Variants in TMEM232 observed in about 807,000 individuals in gnomAD.
The protein encoded by TMEM232 is transmembrane protein 232.
Under a neutral mutation model 78.8 loss-of-function variants are expected in TMEM232, and 80 were observed. The observed-to-expected ratio is 1.01, with a 90% CI of 0.85 to 1.22. TMEM232 has a LOEUF of 1.22. TMEM232 is among the 50% of genes most tolerant of loss of function. The pLI, the probability that TMEM232 is intolerant of heterozygous loss-of-function variation, is 0.00. For synonymous variants in TMEM232, 297 were observed against 254.3 expected, an observed-to-expected ratio of 1.17 and a Z score of -1.60; for missense variants, 881 against 742.2, an observed-to-expected ratio of 1.19 and a Z score of -2.17.
chr5:110,407,946 C>T (rs551722532), intron 2 of TMEM232, among the ~76,000 whole-genome samples: 1 of 151,946 alleles, frequency 6.6e-6, no homozygotes, highest in African/African-American at 2.4e-5. Context: ...AAATACACAA[C>T]CTTGGAAATT....
chr5:110,509,915 A>G (rs555133887), intron 12 of TMEM232, among the ~76,000 whole-genome samples: 15 of 152,328 alleles, frequency 9.8e-5, no homozygotes, highest in African/African-American at 1.4e-4. Flanking sequence ...ATCATATTTT[A>G]AGGTTATCAC....
chr5:110,459,228 T>C lies in TMEM232; in HGVS notation c.1704-34312A>G, dbSNP rs527864580. Reference sequence around the variant, plus strand: ...TCAACTGTATCAGTAGCAACTCTTGTCTCCTGATGGTAGGCAAGGTAAAAC... The same window carrying C: ...TCAACTGTATCAGTAGCAACTCTTGCCTCCTGATGGTAGGCAAGGTAAAAC... On this transcript the variant is annotated intron_variant, in intron 12 of 13. Coordinates refer to ENST00000455884, the MANE Select transcript of TMEM232 (RefSeq NM_001039763.4). Among the ~76,000 whole-genome samples the C allele has an allele frequency of 6.5e-3, 992 of 152,248 alleles. 10 individuals carry two copies. The highest frequency in any genetic ancestry group is 0.022 in the African/African-American group (927 of 41,570).
chr5:110,435,086 AG>A (rs1212381407), intron 12 of TMEM232, among the ~76,000 whole-genome samples: 1 of 151,872 alleles, frequency 6.6e-6, no homozygotes, highest in Non-Finnish European at 1.5e-5. Flanking sequence ...CAATCAGGCA[AG>A]AGAAAGAAAT....
At chr5:110,529,998 T>TAG (rs1240940259) in intron 11 of TMEM232, among the ~76,000 whole-genome samples, 3 of 152,248 alleles carry the variant, frequency 2.0e-5, no homozygotes, top group Non-Finnish European at 4.4e-5. Flanking sequence ...AGCTCATTAC[T>TAG]AGTGACTCAG....
chr5:110,581,665 G>A (rs1391913571), intron 10 of TMEM232, among the ~76,000 whole-genome samples: 3 of 151,512 alleles, frequency 2.0e-5, no homozygotes, highest in Non-Finnish European at 4.4e-5. Flanking sequence ...AAATTGACAA[G>A]TGGGAACTAA....
At chr5:110,708,883 C>T (rs1382654775) in intron 1 of TMEM232, among the ~76,000 whole-genome samples, 1 of 151,760 alleles carries the variant, frequency 6.6e-6, no homozygotes, top group East Asian at 1.9e-4. Flanking sequence ...CCTACTTTTC[C>T]ACAATAACAT....
intron 12 of TMEM232, among the ~76,000 whole-genome samples, chr5:110,499,962 T>C (rs1766064982): frequency 6.6e-6 from 1 of 152,206 alleles, no homozygotes; most frequent in Admixed American, 6.5e-5. Context: ...ACCTAGAGCA[T>C]TTACTAATAT....
intron 1 of TMEM232, among the ~76,000 whole-genome samples, chr5:110,737,002 T>TA (rs5870418): frequency 6.7e-5 from 9 of 134,694 alleles, no homozygotes; most frequent in African/African-American, 1.4e-4. Context: ...TTCCTTATTC[T>TA]AAAAAAAAAA....
At chr5:110,525,777 T>C (rs765824353) in intron 12 of TMEM232, among the ~76,000 whole-genome samples, 3 of 149,172 alleles carry the variant, frequency 2.0e-5, no homozygotes, top group Non-Finnish European at 3.0e-5. Flanking sequence ...CATAAATATA[T>C]AAGAAAATAA....
At chr5:110,477,510 T>A (rs1763377950) in intron 12 of TMEM232, among the ~76,000 whole-genome samples, 1 of 151,880 alleles carries the variant, frequency 6.6e-6, no homozygotes, top group Non-Finnish European at 1.5e-5. Context: ...TGTCAGCAAG[T>A]TGAAATATGA....
chr5:110,725,310 C>T (rs1230608196), intron 1 of TMEM232, among the ~76,000 whole-genome samples: 3 of 152,144 alleles, frequency 2.0e-5, no homozygotes, highest in African/African-American at 7.2e-5. Context: ...AGCAGTGTGA[C>T]ATGTAGTACT....
chr5:110,665,891 C>CAAAAAA (rs775392111), intron 2 of TMEM232, among the ~76,000 whole-genome samples: 3 of 63,810 alleles, frequency 4.7e-5, no homozygotes, highest in African/African-American at 4.8e-5. Flanking sequence ...CCCATCTCCA[C>CAAAAAA]AAAAAAAAAA....
intron 12 of TMEM232, among the ~76,000 whole-genome samples, chr5:110,441,386 T>C (rs1759025477): frequency 6.6e-6 from 1 of 152,156 alleles, no homozygotes; most frequent in African/African-American, 2.4e-5. Flanking sequence ...AAATGTTATA[T>C]GATTGCTAAT....
At position 110,437,352 on chromosome 5, in the gene TMEM232, TTTTA is replaced by T. The variant is rs201321034; in HGVS notation, c.1704-12440_1704-12437del. 7.9e-4 allele frequency among the ~76,000 whole-genome samples: 120 copies of T among 152,108 alleles called. 1 individual carries two copies. Among genetic ancestry groups the T allele is most frequent in the Middle Eastern group, 3.4e-3 (1 of 294 alleles). The stretch of plus-strand genomic sequence containing the variant: ...TTATAGAAAAAAACATACAGTGTAA[TTTTA>T]TTTATAAATATTCAAAACAATATAA... On this transcript the variant is annotated intron_variant, in intron 12 of 13. Coordinates refer to ENST00000455884, the MANE Select transcript of TMEM232 (RefSeq NM_001039763.4).
At chr5:110,597,017 C>T (rs998436957) in intron 10 of TMEM232, among the ~76,000 whole-genome samples, 1 of 151,990 alleles carries the variant, frequency 6.6e-6, no homozygotes, top group African/African-American at 2.4e-5. Flanking sequence ...CTGGCCAGGG[C>T]AATTAGGCAG....
At chr5:110,500,502 A>G (rs750883659) in intron 12 of TMEM232, among the ~76,000 whole-genome samples, 1 of 152,070 alleles carries the variant, frequency 6.6e-6, no homozygotes, top group Non-Finnish European at 1.5e-5. Flanking sequence ...TATTTTACTG[A>G]GTTATGATAA....
intron 2 of TMEM232, among the ~76,000 whole-genome samples, chr5:110,642,725 T>C (rs371852370): frequency 3.9e-5 from 6 of 152,084 alleles, no homozygotes; most frequent in African/African-American, 9.7e-5. Context: ...TAAATCAGCA[T>C]TGATTCATTT....
chr5:110,687,423 T>G (rs1252878151), intron 1 of TMEM232, among the ~76,000 whole-genome samples: 1 of 152,112 alleles, frequency 6.6e-6, no homozygotes, highest in Non-Finnish European at 1.5e-5. Context: ...TTCCTTTAGG[T>G]TGATATTCTA....
intron 4 of TMEM232, among the ~76,000 whole-genome samples, chr5:110,639,180 C>T (rs901343132): frequency 6.6e-6 from 1 of 151,964 alleles, no homozygotes; most frequent in African/African-American, 2.4e-5. Context: ...CCTTGTAGGC[C>T]ATGATATGGA....
Sources: gnomAD v4.1 joint callset for allele counts (sites outside exome capture counted in the v4.1 genomes callset) on GRCh38, gnomAD v4.1.1 for gene constraint, MANE v1.5 for transcripts, NCBI Gene and HGNC (gene_info 2026-07-23, HGNC 2026-07-21) for gene names.